The following OIT3 variants were observed in gnomAD, a reference collection of about 807,000 sequenced individuals.
The protein encoded by OIT3 is oncoprotein-induced transcript 3 protein.
Under a neutral mutation model 52.2 loss-of-function variants are expected in OIT3, and 41 were observed. The ratio of observed to expected loss-of-function variants is 0.79; its 90% CI spans 0.61 to 1.02. The LOEUF (loss-of-function observed/expected upper bound fraction) is 1.02. OIT3 is among the 50% of genes least tolerant of loss of function. The pLI is 0.00. For synonymous variants in OIT3, 244 were observed against 276.9 expected (o/e 0.88, Z 1.18); for missense variants, 634 against 715.5 (o/e 0.89, Z 1.30).
intron 1 of OIT3, among the ~76,000 whole-genome samples, chr10:72,896,329 C>T (rs906454637): frequency 6.6e-6 from 1 of 152,024 alleles, no homozygotes; most frequent in African/African-American, 2.4e-5. Context: ...GCTCTGGAAA[C>T]CTTATTTGTA....
intron 3 of OIT3, among the ~76,000 whole-genome samples, chr10:72,902,880 G>A (rs906393034): frequency 6.6e-6 from 1 of 152,190 alleles, no homozygotes; most frequent in Non-Finnish European, 1.5e-5. Context: ...TGCAGACACA[G>A]CCAAATCATA....
intron 7 of OIT3, among the ~76,000 whole-genome samples, chr10:72,929,752 A>G (rs533311891): frequency 2.5e-3 from 382 of 152,224 alleles, no homozygotes; most frequent in Admixed American, 4.4e-3. Context: ...CATGTTGGCC[A>G]GGCTGGTCTC....
intron 6 of OIT3, 151 bp from the exon 7 acceptor site, chr10:72,924,078 G>GAA: frequency 9.1e-6 from 6 of 657,456 alleles, no homozygotes; most frequent in Non-Finnish European, 1.0e-5. Context: ...AGGGCAGTGG[G>GAA]AAAAAAAAAC....
chr10:72,917,125 A>C (rs934594100), intron 6 of OIT3, among the ~76,000 whole-genome samples: 2 of 152,080 alleles, frequency 1.3e-5, no homozygotes. Context: ...GTTCACTCTG[A>C]TGATAGCTTC....
chr10:72,895,471 GTGTTT>G (rs1845867662), intron 1 of OIT3, among the ~76,000 whole-genome samples: 1 of 152,142 alleles, frequency 6.6e-6, no homozygotes, highest in Non-Finnish European at 1.5e-5. Flanking sequence ...ACTAGAGCTG[GTGTTT>G]GCCCTGAGAG....
intron 4 of OIT3, 125 bp downstream of exon 4, chr10:72,906,843 C>A: frequency 2.4e-6 from 2 of 841,168 alleles, no homozygotes; most frequent in Non-Finnish European, 3.5e-6. Flanking sequence ...AAAGAAATGA[C>A]AAAAGGCGTT....
intron 8 of OIT3, 97 bp from the exon 9 acceptor site, chr10:72,932,257 G>A (rs966057880): frequency 1.9e-6 from 2 of 1,065,614 alleles, no homozygotes; most frequent in Non-Finnish European, 2.9e-6. Context: ...AAGATTACAT[G>A]ACTTAATGTT....
chr10:72,903,804 A>G (rs1228178179), intron 3 of OIT3, among the ~76,000 whole-genome samples: 1 of 152,212 alleles, frequency 6.6e-6, no homozygotes, highest in African/African-American at 2.4e-5. Flanking sequence ...GCTGGGGCAT[A>G]GAGTATCTTC....
In OIT3 at chr10:72,932,660, CACTCTG is replaced by C; in HGVS notation, c.*138_*143del. On this transcript the variant is annotated 3_prime_UTR_variant, in exon 9 of 9. Transcript: ENST00000334011. The stretch of plus-strand genomic sequence containing the variant: ...TGAGTTCAGACTCCCAGCACCAACT[CACTCTG>C]ATTCTGGTCCATTCAGTGGGCACAG... 1 of 721,384 alleles carries C rather than the reference CACTCTG, an allele frequency of 1.4e-6. No individual in the cohort carries two copies. Among genetic ancestry groups the C allele is most frequent in the Non-Finnish European group, 2.2e-6 (1 of 449,742 alleles). 44.7% of individuals were successfully genotyped at this position (721,384 alleles called of 1,614,324 possible).
chr10:72,931,316 C>A (rs1480736072), intron 8 of OIT3, among the ~76,000 whole-genome samples: 1 of 152,116 alleles, frequency 6.6e-6, no homozygotes, highest in Non-Finnish European at 1.5e-5. Flanking sequence ...CATAGCAAGA[C>A]CTCTACTCTA....
intron 3 of OIT3, among the ~76,000 whole-genome samples, chr10:72,904,082 C>T (rs1178234290): frequency 6.6e-6 from 1 of 152,144 alleles, no homozygotes; most frequent in African/African-American, 2.4e-5. Context: ...AGATTACAGA[C>T]ATTGTATGGA....
At chr10:72,899,703 T>TGATA (rs373777568) in intron 2 of OIT3, among the ~76,000 whole-genome samples, 3,622 of 144,904 alleles carry the variant, frequency 0.025, 62 homozygotes, top group East Asian at 0.034. Flanking sequence ...GATAGATAGA[T>TGATA]GATAGATAGA....
At chr10:72,904,820 AT>A (rs1446579322) in intron 3 of OIT3, among the ~76,000 whole-genome samples, 50 of 152,218 alleles carry the variant, frequency 3.3e-4, no homozygotes, top group Non-Finnish European at 8.8e-5. Context: ...GTCATCTGGT[AT>A]CTTTGTTTAG....
rs1412263810 is a variant in OIT3 at position 72,930,535 on chromosome 10, C to T, written c.1368-3C>T. 1.9e-6 allele frequency: 3 copies of T among 1,605,164 alleles called. No individual in the cohort carries two copies. Among genetic ancestry groups the T allele is most frequent in the Admixed American group, 3.3e-5 (2 of 59,974 alleles). ...TCTTATGTGCTATCTGCCCTACTTTCAGCTGTGTTTCAGATGACTCGGTAA... is the reference window on the plus strand; with the variant it reads ...TCTTATGTGCTATCTGCCCTACTTTTAGCTGTGTTTCAGATGACTCGGTAA... On this transcript the variant is annotated splice_polypyrimidine_tract_variant and splice_region_variant and intron_variant, in intron 7 of 8. Coordinates refer to ENST00000334011, the MANE Select transcript of OIT3 (RefSeq NM_152635.3).
rs759773382 is a variant in OIT3, at chr10:72,898,723, C to T, written c.121C>T (p.Gln41Ter). The part of the protein sequence containing the change: ...LNEPWRNTDH[Q>*]LDESQGPPLC... ...TGAGCCCTGGAGGAACACTGACCACCAGTTGGATGAGTCTCAAGGTCCTCC... is the reference window on the plus strand; with the variant it reads ...TGAGCCCTGGAGGAACACTGACCACTAGTTGGATGAGTCTCAAGGTCCTCC... Residue 41 changes from glutamine (Q) to a stop codon, truncating the protein, a stop_gained, in exon 2 of 9, where the codon CAG (glutamine) becomes TAG (stop). Coordinates refer to ENST00000334011, the MANE Select transcript of OIT3 (RefSeq NM_152635.3). LOFTEE classifies it high-confidence loss of function. 2 of 1,613,882 alleles carry T rather than the reference C, an allele frequency of 1.2e-6. No homozygotes were observed. The highest frequency in any genetic ancestry group is 1.1e-5 in the South Asian group (1 of 91,070).
At position 72,930,627 on chromosome 10, in the gene OIT3, A is replaced by C. The variant is rs1485913848; in HGVS notation, c.1457A>C (p.Lys486Thr). 2 of 1,605,488 alleles carry C rather than the reference A, an allele frequency of 1.2e-6. No individual in the cohort carries two copies. The highest frequency in any genetic ancestry group is 1.7e-6 in the Non-Finnish European group (2 of 1,172,534). Residue 486 changes from lysine to threonine, a missense_variant, in exon 8 of 9, where the codon AAA (lysine) becomes ACA (threonine). Transcript: ENST00000334011. Reference sequence around the variant, plus strand: ...GTCCCTGTCTTCAAGTTTGTGGGCAAAGACCACAAGGTGAGTTGAACATCT... The same window carrying C: ...GTCCCTGTCTTCAAGTTTGTGGGCACAGACCACAAGGTGAGTTGAACATCT... ...FQVPVFKFVG[K>T]DHKEVFLHCR...
At position 72,913,233 on chromosome 10, in the gene OIT3, T is replaced by A. The variant is rs1168785843; in HGVS notation, c.791-75T>A. ...ACAAAAAGCTTGGGTTGTGTGAGGG[T>A]GAAATTATTTCTCCTAAAAGCCTTC... On this transcript the variant is annotated intron_variant, in intron 5 of 8. Coordinates refer to ENST00000334011, the MANE Select transcript of OIT3 (RefSeq NM_152635.3). 11 of 1,262,694 alleles carry A rather than the reference T, an allele frequency of 8.7e-6. 1 individual carries two copies. In the South Asian group the frequency reaches 1.9e-4, roughly 22 times the overall value. 78.2% of individuals were successfully genotyped at this position (1,262,694 alleles called of 1,614,324 possible). A position where few individuals can be genotyped will look rare whatever the true frequency, so the allele number is the denominator to read the frequency against.
intron 4 of OIT3, among the ~76,000 whole-genome samples, chr10:72,907,551 C>T (rs1845991647): frequency 6.6e-6 from 1 of 152,192 alleles, no homozygotes; most frequent in African/African-American, 2.4e-5. Context: ...CGCTTAGCCC[C>T]TCCCAGACCC....
intron 4 of OIT3, among the ~76,000 whole-genome samples, chr10:72,908,992 T>C (rs1445550934): frequency 1.3e-5 from 2 of 151,802 alleles, no homozygotes; most frequent in Non-Finnish European, 2.9e-5. Context: ...TACATGGATA[T>C]ATTGCTTAAT....
Sources: allele counts gnomAD v4.1 joint callset (sites outside exome capture counted in the v4.1 genomes callset), GRCh38; gene constraint gnomAD v4.1.1; transcripts MANE v1.5; gene names NCBI Gene and HGNC (gene_info 2026-07-23, HGNC 2026-07-21).